The following MRPL21 variants were observed in gnomAD, a reference collection of about 807,000 sequenced individuals.
MRPL21 encodes mitochondrial ribosomal protein L21, also known as large ribosomal subunit protein bL21m.
Under a neutral mutation model 27.3 loss-of-function variants are expected in MRPL21, and 20 were observed. The observed-to-expected ratio is 0.73, with a 90% CI of 0.52 to 1.06. MRPL21 has a LOEUF of 1.06. Among genes scored for constraint, MRPL21 ranks in the 50% least tolerant of loss-of-function variants. MRPL21 has a pLI of 0.00. For synonymous variants in MRPL21, 98 were observed against 101.5 expected (o/e 0.97, Z 0.21); for missense variants, 249 against 251.4 (o/e 0.99, Z 0.06).
chr11:68,897,881 G>A (rs1256221493), intron 3 of MRPL21, 46 bp downstream of exon 3: 1 of 1,443,132 alleles, frequency 6.9e-7, no homozygotes, highest in East Asian at 2.3e-5. Context: ...ACTGGAGCAG[G>A]GTCTAGGTGG....
At chr11:68,894,013 G>A (rs762680218) in intron 4 of MRPL21, among the ~76,000 whole-genome samples, 6 of 151,108 alleles carry the variant, frequency 4.0e-5, no homozygotes, top group Non-Finnish European at 8.8e-5. Context: ...GCGACAGAGC[G>A]AGACTCTGTC....
At chr11:68,901,015 T>C (rs1043215532) in intron 1 of MRPL21, among the ~76,000 whole-genome samples, 10 of 152,194 alleles carry the variant, frequency 6.6e-5, no homozygotes, top group African/African-American at 2.4e-4. Context: ...ACAGACATGC[T>C]AGCACGTGGC....
intron 1 of MRPL21, among the ~76,000 whole-genome samples, chr11:68,903,049 A>G (rs532083194): frequency 1.2e-3 from 183 of 152,326 alleles, no homozygotes; most frequent in African/African-American, 4.3e-3. Context: ...CCTGAAGGAC[A>G]TCTGGGTTGC....
In MRPL21 at chr11:68,897,986, GA is replaced by G. The variant is rs1566416676; in HGVS notation, c.172del (p.Ser58HisfsTer23). 6.2e-7 allele frequency: 1 copy of G among 1,614,028 alleles called. No individual in the cohort carries two copies. Among genetic ancestry groups the G allele is most frequent in the African/African-American group, 1.3e-5 (1 of 74,924 alleles). ...PGYVPKTSLSSPPWPEVVLPD... is the reference protein window; with the variant it reads ...PGYVPKTSLSXPPWPEVVLPD... The stretch of plus-strand genomic sequence containing the variant: ...CAGAACAACTTCTGGCCAAGGTGGT[GA>G]ACTCAGGGATGTTTTAGGAACATAT... On this transcript the variant is annotated frameshift_variant, in exon 3 of 7. Coordinates refer to ENST00000362034, the MANE Select transcript of MRPL21 (RefSeq NM_181514.2). LOFTEE classifies it high-confidence loss of function.
At chr11:68,899,370 C>T (rs931769488) in intron 2 of MRPL21, among the ~76,000 whole-genome samples, 2 of 152,174 alleles carry the variant, frequency 1.3e-5, no homozygotes, top group Admixed American at 6.5e-5. Context: ...GCAAAATGCA[C>T]CGGCCTCCAC....
chr11:68,898,426 T>C lies in MRPL21; in HGVS notation c.147-414A>G, dbSNP rs1054202316. Among the ~76,000 whole-genome samples, 11 of 152,330 alleles carry C rather than the reference T, an allele frequency of 7.2e-5. No homozygotes were observed. The East Asian group carries it at 2.1e-3, about 29-fold the overall frequency. Reference sequence around the variant, plus strand: ...CGCCTCCCTTGGCATCCAGTGGCCCTGGAATGGCAGCTCCAATGACCCTTC... The same window carrying C: ...CGCCTCCCTTGGCATCCAGTGGCCCCGGAATGGCAGCTCCAATGACCCTTC... On this transcript the variant is annotated intron_variant, in intron 2 of 6. Coordinates refer to ENST00000362034, the MANE Select transcript of MRPL21 (RefSeq NM_181514.2).
At chr11:68,896,295 G>A (rs1857785108) in intron 4 of MRPL21, among the ~76,000 whole-genome samples, 1 of 152,206 alleles carries the variant, frequency 6.6e-6, no homozygotes, top group South Asian at 2.1e-4. Flanking sequence ...GAGCAGACCT[G>A]CTGGGCCAGG....
At chr11:68,899,792 T>C (rs1166969213) in intron 2 of MRPL21, among the ~76,000 whole-genome samples, 3 of 152,210 alleles carry the variant, frequency 2.0e-5, no homozygotes, top group Non-Finnish European at 2.9e-5. Context: ...CTGCAGAGGA[T>C]CCCTGGAGTC....
chr11:68,897,915 G>T lies in MRPL21; in HGVS notation c.232+12C>A. The T allele has an allele frequency of 6.2e-7, 1 of 1,610,666 alleles. No individual in the cohort carries two copies. Among genetic ancestry groups the T allele is most frequent in the East Asian group, 2.2e-5 (1 of 44,868 alleles). ...GGTGCCCTCTAGCTTCTGTCTCCCA[G>T]GGAGGTCTTACCTGCATGGTGTCTG... On this transcript the variant is annotated intron_variant, in intron 3 of 6. Transcript: ENST00000362034.
chr11:68,892,812 G>A, intron 6 of MRPL21, 78 bp downstream of exon 6: 1 of 1,566,112 alleles, frequency 6.4e-7, no homozygotes, highest in Non-Finnish European at 8.7e-7. Context: ...AGACCCACGT[G>A]CCCCACACCC....
chr11:68,898,586 C>T (rs507520), intron 2 of MRPL21, among the ~76,000 whole-genome samples: 38,015 of 152,178 alleles, frequency 0.25, 5,429 homozygotes, highest in South Asian at 0.46. Flanking sequence ...AATTCTGTGT[C>T]CTGGTGTCTA....
intron 2 of MRPL21, among the ~76,000 whole-genome samples, chr11:68,898,819 G>A (rs900192501): frequency 2.6e-5 from 4 of 151,900 alleles, no homozygotes; most frequent in Admixed American, 2.6e-4. Flanking sequence ...ACGGAGTCTC[G>A]CTCTGTCACC....
chr11:68,894,166 ATTCTT>A (rs1406152559), intron 4 of MRPL21, among the ~76,000 whole-genome samples: 1 of 152,224 alleles, frequency 6.6e-6, no homozygotes, highest in Non-Finnish European at 1.5e-5. Flanking sequence ...GCTCTCCTGT[ATTCTT>A]TTAACGACTG....
In MRPL21 at chr11:68,892,555, TGGGGTC is replaced by T; in HGVS notation, c.553+329_553+334del. 4 of 406,920 alleles carry T rather than the reference TGGGGTC, an allele frequency of 9.8e-6. 1 individual carries two copies. The highest frequency in any genetic ancestry group is 1.2e-4 in the South Asian group (2 of 17,158). 25.2% of individuals were successfully genotyped at this position (406,920 alleles called of 1,614,324 possible). A position where few individuals can be genotyped will look rare whatever the true frequency, so the allele number is the denominator to read the frequency against. ...AGGGTGGAGGAGAAGGGGAGCGAGG[TGGGGTC>T]ATGCGCGGAGGGTGGAGGAGAAGGG... On this transcript the variant is annotated intron_variant, in intron 6 of 6. Transcript: ENST00000362034.
intron 2 of MRPL21, among the ~76,000 whole-genome samples, chr11:68,899,371 C>T (rs544114732): frequency 7.2e-5 from 11 of 152,300 alleles, no homozygotes; most frequent in Non-Finnish European, 1.3e-4. Flanking sequence ...CAAAATGCAC[C>T]GGCCTCCACA....
chr11:68,900,967 AG>A (rs1264765392), intron 1 of MRPL21, among the ~76,000 whole-genome samples: 1 of 152,176 alleles, frequency 6.6e-6, no homozygotes, highest in East Asian at 1.9e-4. Context: ...TACCCCTGTT[AG>A]CCCCCTGGGA....
chr11:68,898,728 T>A (rs916602261), intron 2 of MRPL21, among the ~76,000 whole-genome samples: 8 of 152,126 alleles, frequency 5.3e-5, no homozygotes, highest in Non-Finnish European at 1.2e-4. Flanking sequence ...TCAGCAGCTA[T>A]AGCACTGCGG....
chr11:68,901,550 T>A (rs1857935493), intron 1 of MRPL21, among the ~76,000 whole-genome samples: 1 of 152,182 alleles, frequency 6.6e-6, no homozygotes, highest in African/African-American at 2.4e-5. Flanking sequence ...ACCACCTTTT[T>A]AAAGTTCACC....
Position 68,894,051 on chromosome 11 carries a change from A to C in MRPL21, c.397-596T>G, listed in dbSNP as rs909923993. Among the ~76,000 whole-genome samples, 88 of 147,314 alleles carry C rather than the reference A, an allele frequency of 6.0e-4. 1 individual carries two copies. The highest frequency in any genetic ancestry group is 9.8e-4 in the Non-Finnish European group (65 of 66,488). On this transcript the variant is annotated intron_variant, in intron 4 of 6. Coordinates refer to ENST00000362034, the MANE Select transcript of MRPL21 (RefSeq NM_181514.2). ...AAAGAAAACAAATAAACAAAAAAAA[A>C]CAAAACCCTTTCTATCAAAGCATAA...
Sources: allele counts gnomAD v4.1 joint callset (sites outside exome capture counted in the v4.1 genomes callset), GRCh38; gene constraint gnomAD v4.1.1; transcripts MANE v1.5; gene names NCBI Gene and HGNC (gene_info 2026-07-23, HGNC 2026-07-21).